The following RBFOX1 variants were observed in gnomAD, a reference collection of about 807,000 sequenced individuals.
RBFOX1 encodes the protein RNA binding fox-1 homolog 1.
RBFOX1 carries 8 observed loss-of-function variants against 57.7 expected under a neutral mutation model. The observed-to-expected ratio is 0.14, with a 90% CI of 0.08 to 0.25. RBFOX1 has a LOEUF of 0.25. RBFOX1 is among the 10% of genes least tolerant of loss of function. The probability of loss-of-function intolerance (pLI) is 1.00; values close to 1 mark genes in which losing one functional copy is unlikely to be tolerated. For synonymous variants in RBFOX1, 326 were observed against 222.4 expected (o/e 1.47, Z -4.15); for missense variants, 611 against 548.5 (o/e 1.11, Z -1.14).
At chr16:7,147,940 G>A (rs2075351252) in intron 4 of RBFOX1, among the ~76,000 whole-genome samples, 1 of 152,188 alleles carries the variant, frequency 6.6e-6, no homozygotes, top group African/African-American at 2.4e-5. Context: ...CACCAACAGT[G>A]TAAATGCCTT....
At chr16:7,530,972 C>G (rs545026594) in intron 5 of RBFOX1, among the ~76,000 whole-genome samples, 142 of 152,272 alleles carry the variant, frequency 9.3e-4, no homozygotes, top group African/African-American at 3.2e-3. Flanking sequence ...TGCATGCCAT[C>G]TCAGTGTCCT....
At chr16:6,695,001 A>G (rs2060805274) in intron 3 of RBFOX1, among the ~76,000 whole-genome samples, 1 of 152,162 alleles carries the variant, frequency 6.6e-6, no homozygotes, top group Non-Finnish European at 1.5e-5. Flanking sequence ...AATGACACAT[A>G]GACATTCTAA....
intron 2 of RBFOX1, among the ~76,000 whole-genome samples, chr16:6,636,859 A>ATT (rs2098440174): frequency 1.7e-5 from 2 of 118,132 alleles, no homozygotes; most frequent in African/African-American, 3.3e-5. Flanking sequence ...TATAATATAT[A>ATT]ATATATATTA....
At position 7,712,628 on chromosome 16, in the gene RBFOX1, G is replaced by C. The variant is rs1021251907; in HGVS notation, c.*1883G>C. ...TCTTTTCACCAGACTTCTTTGGGTG[G>C]GTGAGGGGAGGGGCAAGAGGGTGTT... On this transcript the variant is annotated 3_prime_UTR_variant, in exon 16 of 16. Transcript: ENST00000550418. 1 of 152,360 alleles carries C rather than the reference G, an allele frequency of 6.6e-6. No individual in the cohort carries two copies. The highest frequency in any genetic ancestry group is 2.4e-5 in the African/African-American group (1 of 41,388). The allele number at this position is 152,360 out of a possible 1,614,324, so 9.4% of individuals were successfully genotyped here.
At chr16:6,795,593 C>G (rs923964779) in intron 3 of RBFOX1, among the ~76,000 whole-genome samples, 3 of 151,950 alleles carry the variant, frequency 2.0e-5, no homozygotes, top group South Asian at 4.2e-4. Context: ...TGGTGAAACC[C>G]TGTCTCTACT....
intron 5 of RBFOX1, among the ~76,000 whole-genome samples, chr16:7,565,047 C>G (rs1240429743): frequency 6.6e-6 from 1 of 152,108 alleles, no homozygotes; most frequent in Non-Finnish European, 1.5e-5. Flanking sequence ...CGACGGAGCT[C>G]AAATGAAAAA....
intron 2 of RBFOX1, among the ~76,000 whole-genome samples, chr16:6,477,452 T>C (rs1327110287): frequency 1.3e-5 from 2 of 152,204 alleles, no homozygotes; most frequent in Admixed American, 6.5e-5. Context: ...ACCAGATGTG[T>C]TGTCAATGAG....
intron 3 of RBFOX1, among the ~76,000 whole-genome samples, chr16:6,951,170 G>C (rs1024974798): frequency 4.6e-5 from 7 of 152,206 alleles, no homozygotes; most frequent in Non-Finnish European, 1.0e-4. Context: ...GCTTCCCAAA[G>C]TGTTGGGATT....
chr16:5,462,461 C>G (rs748954865), intron 1 of RBFOX1, among the ~76,000 whole-genome samples: 1 of 152,172 alleles, frequency 6.6e-6, no homozygotes, highest in Non-Finnish European at 1.5e-5. Flanking sequence ...AGCCACCGCG[C>G]CCGGCCGAAA....
At chr16:6,665,763 T>G in intron 3 of RBFOX1, among the ~76,000 whole-genome samples, 1 of 152,112 alleles carries the variant, frequency 6.6e-6, no homozygotes, top group Non-Finnish European at 1.5e-5. Context: ...CATAGACCAT[T>G]TTTTAGTACT....
chr16:6,570,620 A>T (rs750360802), intron 2 of RBFOX1, among the ~76,000 whole-genome samples: 2 of 152,184 alleles, frequency 1.3e-5, no homozygotes, highest in Non-Finnish European at 2.9e-5. Context: ...TTTTTTTAAC[A>T]GCATATAAAG....
intron 1 of RBFOX1, among the ~76,000 whole-genome samples, chr16:5,302,810 T>G (rs1295582672): frequency 6.6e-6 from 1 of 152,230 alleles, no homozygotes; most frequent in African/African-American, 2.4e-5. Context: ...TAGTTTAATC[T>G]TTATGTGTTG....
At chr16:7,324,286 T>G (rs1047989142) in intron 4 of RBFOX1, among the ~76,000 whole-genome samples, 3 of 152,180 alleles carry the variant, frequency 2.0e-5, no homozygotes, top group African/African-American at 7.2e-5. Context: ...GTTCAGCAAC[T>G]GAATGGAATT....
chr16:7,062,127 C>G (rs997686498), intron 4 of RBFOX1, among the ~76,000 whole-genome samples: 4 of 151,762 alleles, frequency 2.6e-5, no homozygotes, highest in African/African-American at 9.7e-5. Flanking sequence ...ACTATCCTGG[C>G]TAACACGGTG....
intron 3 of RBFOX1, among the ~76,000 whole-genome samples, chr16:6,788,947 T>A (rs1360511197): frequency 2.0e-5 from 3 of 152,106 alleles, no homozygotes; most frequent in African/African-American, 7.2e-5. Context: ...CTCCTAGCAT[T>A]CTCTATTCTT....
At chr16:6,251,568 C>T (rs1479519929) in intron 1 of RBFOX1, among the ~76,000 whole-genome samples, 1 of 151,986 alleles carries the variant, frequency 6.6e-6, no homozygotes, top group East Asian at 1.9e-4. Flanking sequence ...GCTAAAGCCT[C>T]CCCCTACCCC....
intron 2 of RBFOX1, among the ~76,000 whole-genome samples, chr16:5,551,487 C>T (rs1212166368): frequency 6.6e-6 from 1 of 152,128 alleles, no homozygotes; most frequent in Non-Finnish European, 1.5e-5. Flanking sequence ...TTCCGGCTTC[C>T]TTAGGTTATT....
intron 3 of RBFOX1, among the ~76,000 whole-genome samples, chr16:6,767,013 C>A (rs2077428072): frequency 6.6e-6 from 1 of 152,114 alleles, no homozygotes; most frequent in Non-Finnish European, 1.5e-5. Context: ...CAGGTCATTT[C>A]TGGTCATGGC....
At chr16:5,801,645 G>C (rs969556469) in intron 3 of RBFOX1, among the ~76,000 whole-genome samples, 3 of 152,266 alleles carry the variant, frequency 2.0e-5, no homozygotes, top group Middle Eastern at 3.4e-3. Flanking sequence ...TGTGATCCGT[G>C]GTTGCTAAAG....
Sources: allele counts gnomAD v4.1 joint callset (sites outside exome capture counted in the v4.1 genomes callset), GRCh38; gene constraint gnomAD v4.1.1; transcripts MANE v1.5; gene names NCBI Gene and HGNC (gene_info 2026-07-23, HGNC 2026-07-21).